Variants in CSMD1 observed in about 807,000 individuals in gnomAD.
CSMD1 encodes the protein CUB and Sushi multiple domains 1, also known as CUB and sushi domain-containing protein 1.
Under a neutral mutation model 417.5 loss-of-function variants are expected in CSMD1, and 213 were observed. The ratio of observed to expected loss-of-function variants is 0.51; its 90% confidence interval spans 0.46 to 0.57. The LOEUF is 0.57. Ranked by LOEUF, CSMD1 falls within the 20% of genes least tolerant of loss-of-function variation. The pLI is 0.00. For missense variants in CSMD1, 6,923 were observed against 4,529.7 expected, an observed-to-expected ratio of 1.53 and a Z score of -15.17; for synonymous variants, 2,862 against 1,736.8, an observed-to-expected ratio of 1.65 and a Z score of -16.11.
chr8:4,738,332 A>G (rs1042895934), intron 1 of CSMD1, among the ~76,000 whole-genome samples: 1 of 152,218 alleles, frequency 6.6e-6, no homozygotes, highest in African/African-American at 2.4e-5. Context: ...ACATTTCAGC[A>G]TGGGCGAAGA....
At chr8:4,464,606 T>G (rs569908139) in intron 2 of CSMD1, among the ~76,000 whole-genome samples, 9 of 152,318 alleles carry the variant, frequency 5.9e-5, no homozygotes, top group Admixed American at 5.2e-4. Flanking sequence ...GTTATTACTT[T>G]CACGCTATTG....
chr8:3,164,412 A>G (rs1172893360), intron 37 of CSMD1, among the ~76,000 whole-genome samples: 1 of 152,256 alleles, frequency 6.6e-6, no homozygotes, highest in African/African-American at 2.4e-5. Context: ...GGGGCTTTAC[A>G]TAGAAGATAA....
intron 5 of CSMD1, among the ~76,000 whole-genome samples, chr8:3,789,953 G>C (rs562851009): frequency 5.8e-4 from 88 of 152,086 alleles, no homozygotes; most frequent in African/African-American, 1.8e-3. Context: ...GGATGGTCTC[G>C]ATCTCCTGAC....
At chr8:4,753,590 T>G (rs982042005) in intron 1 of CSMD1, among the ~76,000 whole-genome samples, 2 of 152,192 alleles carry the variant, frequency 1.3e-5, no homozygotes, top group Non-Finnish European at 2.9e-5. Context: ...TTGGCACCCA[T>G]GAACCTGACA....
intron 2 of CSMD1, among the ~76,000 whole-genome samples, chr8:4,471,426 C>T (rs1458246657): frequency 6.6e-6 from 1 of 152,080 alleles, no homozygotes; most frequent in Non-Finnish European, 1.5e-5. Context: ...TACCCAAGTG[C>T]AGCACGTAGC....
intron 5 of CSMD1, among the ~76,000 whole-genome samples, chr8:3,855,236 G>C (rs1446491561): frequency 2.6e-5 from 4 of 152,076 alleles, no homozygotes; most frequent in East Asian, 3.8e-4. Flanking sequence ...TTTTGTAAAA[G>C]AAGAAATAAC....
intron 3 of CSMD1, among the ~76,000 whole-genome samples, chr8:4,090,438 T>A (rs1800657566): frequency 6.6e-6 from 1 of 152,202 alleles, no homozygotes; most frequent in South Asian, 2.1e-4. Flanking sequence ...GTGTTTAATT[T>A]TTTTAAGAAA....
At chr8:4,871,260 AT>A (rs35403019) in intron 1 of CSMD1, among the ~76,000 whole-genome samples, 2,273 of 152,204 alleles carry the variant, frequency 0.015, 72 homozygotes, top group African/African-American at 0.052. Flanking sequence ...GTGACAGCCC[AT>A]TTTCTTAGGA....
intron 3 of CSMD1, among the ~76,000 whole-genome samples, chr8:4,196,695 C>T (rs1401855472): frequency 3.9e-5 from 6 of 152,110 alleles, no homozygotes. Context: ...TTTAAGAGTT[C>T]ACATAGCTAG....
chr8:3,167,220 G>C, intron 37 of CSMD1, among the ~76,000 whole-genome samples: 1 of 150,728 alleles, frequency 6.6e-6, no homozygotes, highest in Non-Finnish European at 1.5e-5. Context: ...AGGAGGCGGA[G>C]GTTGCAGTGA....
At chr8:3,344,075 G>T (rs1169508064) in intron 22 of CSMD1, among the ~76,000 whole-genome samples, 1 of 152,170 alleles carries the variant, frequency 6.6e-6, no homozygotes, top group African/African-American at 2.4e-5. Flanking sequence ...CCAAGCAGTT[G>T]TAAAACGAGA....
intron 1 of CSMD1, among the ~76,000 whole-genome samples, chr8:4,720,052 C>T (rs1453595992): frequency 6.6e-6 from 1 of 151,856 alleles, no homozygotes; most frequent in Non-Finnish European, 1.5e-5. Flanking sequence ...AGAAATTATT[C>T]CTGTGGTGAG....
intron 5 of CSMD1, among the ~76,000 whole-genome samples, chr8:3,772,417 A>G (rs1362100077): frequency 8.3e-6 from 1 of 120,444 alleles, no homozygotes; most frequent in Non-Finnish European, 1.7e-5. Context: ...ATATATTTAT[A>G]TATACACATA....
At chr8:3,852,983 G>C (rs892772498) in intron 5 of CSMD1, among the ~76,000 whole-genome samples, 3 of 152,060 alleles carry the variant, frequency 2.0e-5, no homozygotes, top group Non-Finnish European at 4.4e-5. Context: ...GGCTCCCCAA[G>C]AGTGTTCTTG....
At chr8:3,051,573 C>A (rs1313217910) in intron 50 of CSMD1, among the ~76,000 whole-genome samples, 1 of 152,120 alleles carries the variant, frequency 6.6e-6, no homozygotes, top group East Asian at 1.9e-4. Context: ...AACAAACTTG[C>A]ACATGTATCC....
intron 3 of CSMD1, among the ~76,000 whole-genome samples, chr8:4,118,683 G>C (rs1187292135): frequency 1.3e-5 from 2 of 152,278 alleles, no homozygotes; most frequent in East Asian, 3.9e-4. Flanking sequence ...AGACAGTGTG[G>C]TGATTGCTCA....
Position 4,070,273 on chromosome 8 carries a change from C to G in CSMD1, c.416-38174G>C, listed in dbSNP as rs567715833. ...CAAACATGCAATTCAAACTCTAAAA[C>G]ATAATGTTGTTATTTTTACTTAAAA... On this transcript the variant is annotated intron_variant, in intron 3 of 69. Transcript: ENST00000635120. Among the ~76,000 whole-genome samples, 3 of 152,210 alleles carry G rather than the reference C, an allele frequency of 2.0e-5. No individual in the cohort carries two copies. In the East Asian group the frequency reaches 5.8e-4, roughly 29 times the overall value.
chr8:4,559,746 AAT>A (rs1289327428), intron 2 of CSMD1, among the ~76,000 whole-genome samples: 1 of 152,246 alleles, frequency 6.6e-6, no homozygotes, highest in African/African-American at 2.4e-5. Flanking sequence ...TTATTTCACA[AAT>A]AGTGAGTCAG....
intron 1 of CSMD1, among the ~76,000 whole-genome samples, chr8:4,719,883 C>T (rs570021190): frequency 2.7e-4 from 41 of 152,172 alleles, no homozygotes; most frequent in African/African-American, 9.9e-4. Flanking sequence ...CTATGCAGGG[C>T]TCACATATCT....
Sources: allele counts gnomAD v4.1 joint callset (sites outside exome capture counted in the v4.1 genomes callset), GRCh38; gene constraint gnomAD v4.1.1; transcripts MANE v1.5; gene names NCBI Gene and HGNC (gene_info 2026-07-23, HGNC 2026-07-21).